SH3GL2: variants seen among roughly 807,000 people sequenced by gnomAD.
The protein encoded by SH3GL2 is SH3 domain containing GRB2 like 2, endophilin A1, also known as endophilin-A1.
A neutral mutation model predicts 46.0 loss-of-function variants in SH3GL2; 24 were observed. That is an observed-to-expected ratio of 0.52 (90% CI 0.38 to 0.73). The LOEUF is 0.73. Among genes scored for constraint, SH3GL2 ranks in the 30% least tolerant of loss-of-function variants. The pLI is 0.00. For synonymous variants in SH3GL2, 196 were observed against 147.1 expected (o/e 1.33, Z -2.40); for missense variants, 413 against 424.2 (o/e 0.97, Z 0.23).
intron 1 of SH3GL2, among the ~76,000 whole-genome samples, chr9:17,726,532 A>T (rs542125837): frequency 1.2e-4 from 18 of 152,276 alleles, no homozygotes; most frequent in African/African-American, 4.1e-4. Context: ...CAGCATAATC[A>T]TAGTGAGCTC....
At chr9:17,646,855 G>T (rs553190691) in intron 1 of SH3GL2, among the ~76,000 whole-genome samples, 10 of 152,306 alleles carry the variant, frequency 6.6e-5, no homozygotes, top group Non-Finnish European at 1.3e-4. Flanking sequence ...CAGGGGTCAG[G>T]GACCCCACTT....
rs112904136 is a variant in SH3GL2, at chr9:17,744,429, G to A, written c.46-2637G>A. Among the ~76,000 whole-genome samples the A allele has an allele frequency of 3.0e-3, 457 of 151,634 alleles. 1 individual carries two copies. Among genetic ancestry groups the A allele is most frequent in the African/African-American group, 0.01 (431 of 41,272 alleles). On this transcript the variant is annotated intron_variant, in intron 1 of 8. Transcript: ENST00000380607. The stretch of plus-strand genomic sequence containing the variant: ...CACCCAGGCTGGAGTGCAGTGGCAC[G>A]ATCACGGCTCACTGTGGCCTCAACC...
intron 1 of SH3GL2, chr9:17,630,296 G>C (rs1819389922): frequency 6.6e-6 from 1 of 152,192 alleles, no homozygotes; most frequent in Non-Finnish European, 1.5e-5. Flanking sequence ...ATAATAAGGT[G>C]ATGAAAATAA....
At chr9:17,719,456 A>G (rs956619718) in intron 1 of SH3GL2, among the ~76,000 whole-genome samples, 6 of 152,114 alleles carry the variant, frequency 3.9e-5, no homozygotes, top group African/African-American at 7.2e-5. Flanking sequence ...AAGTTAAGCT[A>G]TTGGAGTCAG....
chr9:17,724,121 G>GATT (rs1314971406), intron 1 of SH3GL2, among the ~76,000 whole-genome samples: 7 of 151,724 alleles, frequency 4.6e-5, no homozygotes, highest in Non-Finnish European at 1.0e-4. Context: ...ATTATGTGTT[G>GATT]GTTTGCTAAC....
At chr9:17,599,170 A>G (rs1818625396) in intron 1 of SH3GL2, among the ~76,000 whole-genome samples, 1 of 152,198 alleles carries the variant, frequency 6.6e-6, no homozygotes, top group African/African-American at 2.4e-5. Context: ...GAAAATATGA[A>G]GGTAAAAGAG....
chr9:17,753,869 G>A (rs561674609), intron 2 of SH3GL2, among the ~76,000 whole-genome samples: 1 of 152,126 alleles, frequency 6.6e-6, no homozygotes. Context: ...GTGTAAGGAA[G>A]GGGTCCAGTT....
intron 5 of SH3GL2, among the ~76,000 whole-genome samples, chr9:17,788,387 G>A (rs1259886664): frequency 6.6e-6 from 1 of 151,992 alleles, no homozygotes; most frequent in Non-Finnish European, 1.5e-5. Flanking sequence ...TGAGGGGCGG[G>A]GGATGCAGTG....
At chr9:17,677,267 A>C (rs1295881094) in intron 1 of SH3GL2, among the ~76,000 whole-genome samples, 2 of 152,164 alleles carry the variant, frequency 1.3e-5, no homozygotes, top group Non-Finnish European at 2.9e-5. Flanking sequence ...TCATGTTCAC[A>C]TTCACTGTAT....
chr9:17,600,150 CA>C (rs1159517126), intron 1 of SH3GL2, among the ~76,000 whole-genome samples: 1 of 152,136 alleles, frequency 6.6e-6, no homozygotes, highest in Non-Finnish European at 1.5e-5. Flanking sequence ...TACCTGGGTG[CA>C]GAAGCATTTT....
At chr9:17,768,398 A>C (rs1823380807) in intron 3 of SH3GL2, among the ~76,000 whole-genome samples, 1 of 151,306 alleles carries the variant, frequency 6.6e-6, no homozygotes. Flanking sequence ...AAAACACCAG[A>C]TTCTTAATCA....
At position 17,657,046 on chromosome 9, in the gene SH3GL2, C is replaced by T. The variant is rs767371475; in HGVS notation, c.45+77759C>T. On this transcript the variant is annotated intron_variant, in intron 1 of 8. Transcript: ENST00000380607. Reference sequence around the variant, plus strand: ...TAGACATAAAAATTCTTAAATTACCCGTGAAATATGCTGTTCCTAGGGAAT... The same window carrying T: ...TAGACATAAAAATTCTTAAATTACCTGTGAAATATGCTGTTCCTAGGGAAT... Among the ~76,000 whole-genome samples the T allele has an allele frequency of 1.2e-4, 19 of 152,060 alleles. 1 individual carries two copies. Among genetic ancestry groups the T allele is most frequent in the South Asian group, 4.1e-4 (2 of 4,826 alleles).
At chr9:17,589,433 C>G (rs376648127) in intron 1 of SH3GL2, 1 of 152,164 alleles carries the variant, frequency 6.6e-6, no homozygotes, top group East Asian at 1.9e-4. Flanking sequence ...AAGTTTATTT[C>G]TGTGGCTCCT....
intron 1 of SH3GL2, among the ~76,000 whole-genome samples, chr9:17,744,789 C>G (rs574522084): frequency 6.6e-6 from 1 of 152,302 alleles, no homozygotes; most frequent in Non-Finnish European, 1.5e-5. Flanking sequence ...TTGGTACAGG[C>G]TTCAGGTTAG....
At chr9:17,602,820 A>G (rs771382096) in intron 1 of SH3GL2, among the ~76,000 whole-genome samples, 1 of 152,204 alleles carries the variant, frequency 6.6e-6, no homozygotes, top group Non-Finnish European at 1.5e-5. Flanking sequence ...TTTAATGTTT[A>G]ACTGCAGGAT....
At chr9:17,663,365 T>G (rs543731770) in intron 1 of SH3GL2, among the ~76,000 whole-genome samples, 128 of 152,330 alleles carry the variant, frequency 8.4e-4, no homozygotes, top group Non-Finnish European at 1.6e-3. Context: ...GCTTTCCTTT[T>G]GTCTGCTTTC....
chr9:17,675,789 A>G (rs1028565440), intron 1 of SH3GL2, among the ~76,000 whole-genome samples: 1 of 152,186 alleles, frequency 6.6e-6, no homozygotes, highest in Non-Finnish European at 1.5e-5. Context: ...TACTAAAAAT[A>G]CAAAAATTAG....
At chr9:17,679,668 G>C (rs1258542568) in intron 1 of SH3GL2, among the ~76,000 whole-genome samples, 2 of 152,188 alleles carry the variant, frequency 1.3e-5, no homozygotes, top group Non-Finnish European at 2.9e-5. Flanking sequence ...ACACTATGTT[G>C]AATAGGAGTG....
intron 2 of SH3GL2, among the ~76,000 whole-genome samples, chr9:17,749,456 C>T (rs1379180038): frequency 1.3e-5 from 2 of 152,142 alleles, no homozygotes; most frequent in African/African-American, 2.4e-5. Context: ...CCTTCCCCCT[C>T]ACCCCTGGAG....
Sources: gnomAD v4.1 joint callset for allele counts (sites outside exome capture counted in the v4.1 genomes callset) on GRCh38, gnomAD v4.1.1 for gene constraint, MANE v1.5 for transcripts, NCBI Gene and HGNC (gene_info 2026-07-23, HGNC 2026-07-21) for gene names.